The following MCF2L2 variants were observed in gnomAD, a reference collection of about 807,000 sequenced individuals.
MCF2L2 encodes probable guanine nucleotide exchange factor MCF2L2.
In MCF2L2, 102 loss-of-function variants were observed where a neutral mutation model predicts 150.2. The ratio of observed to expected loss-of-function variants is 0.68; its 90% CI spans 0.58 to 0.80. The LOEUF (loss-of-function observed/expected upper bound fraction) is 0.80. Ranked by LOEUF, MCF2L2 falls within the 30% of genes least tolerant of loss-of-function variation. The pLI is 0.00. For synonymous variants in MCF2L2, 465 were observed against 491.3 expected, an observed-to-expected ratio of 0.95 and a Z score of 0.71; for missense variants, 1,256 against 1,372.8, an observed-to-expected ratio of 0.91 and a Z score of 1.34.
rs749204169 is a variant in MCF2L2, at chr3:183,179,724, G to C, written c.3106-32C>G. The C allele has an allele frequency of 4.4e-6, 7 of 1,579,152 alleles. No individual in the cohort carries two copies. Among genetic ancestry groups the C allele is most frequent in the Non-Finnish European group, 6.1e-6 (7 of 1,149,192 alleles). On this transcript the variant is annotated intron_variant, in intron 28 of 29. Coordinates refer to ENST00000328913, the MANE Select transcript of MCF2L2 (RefSeq NM_015078.4). This position sits in a 1 kb window ranked among gnomAD's most constrained non-coding sequence, Gnocchi z 4.2. ...GGGAGGGGACGGGTGCACCCTCAGA[G>C]TTATTGCTGGAGGCTGTGGCCAGAC... is the stretch of plus-strand genomic sequence containing the variant.
intron 1 of MCF2L2, among the ~76,000 whole-genome samples, chr3:183,400,702 A>C (rs1714706815): frequency 6.6e-6 from 1 of 152,152 alleles, no homozygotes; most frequent in Admixed American, 6.5e-5. Flanking sequence ...TAGAAACAAA[A>C]GGAAAACTGG....
At chr3:183,228,837 T>C (rs1294728322) in intron 17 of MCF2L2, among the ~76,000 whole-genome samples, 4 of 152,184 alleles carry the variant, frequency 2.6e-5, no homozygotes, top group Non-Finnish European at 5.9e-5. Context: ...ACTAATATCA[T>C]TGACAGCTTA....
At position 183,331,877 on chromosome 3, in the gene MCF2L2, A is replaced by G. The variant is rs541799164; in HGVS notation, c.486+6923T>C. On this transcript the variant is annotated intron_variant, in intron 5 of 29. Coordinates refer to ENST00000328913, the MANE Select transcript of MCF2L2 (RefSeq NM_015078.4). ...GTTTCAAACAAAACAAAACAAAAAC[A>G]AACAAAAACCATTTACTACATGAAA... Among the ~76,000 whole-genome samples, 3 of 152,208 alleles carry G rather than the reference A, an allele frequency of 2.0e-5. No homozygotes were observed. In the South Asian group the frequency reaches 6.2e-4, roughly 32 times the overall value.
chr3:183,237,973 A>C (rs1384538644), intron 15 of MCF2L2, among the ~76,000 whole-genome samples: 1 of 134,640 alleles, frequency 7.4e-6, no homozygotes, highest in African/African-American at 2.9e-5. Context: ...GTAGTCATTC[A>C]GGAGCAGGTT....
chr3:183,300,742 C>T (rs952882328), intron 10 of MCF2L2, among the ~76,000 whole-genome samples: 2 of 151,982 alleles, frequency 1.3e-5, no homozygotes, highest in Non-Finnish European at 1.5e-5. Flanking sequence ...CTAGGCTGGG[C>T]GTGGTGGCTC....
chr3:183,215,823 G>A (rs1213367625), intron 22 of MCF2L2, 146 bp downstream of exon 22: 2 of 903,570 alleles, frequency 2.2e-6, no homozygotes, highest in Non-Finnish European at 1.6e-6. Context: ...TGTAGTGCGG[G>A]TTTACTGAGC....
intron 3 of MCF2L2, among the ~76,000 whole-genome samples, chr3:183,354,495 ACTTAT>A (rs1711645419): frequency 1.7e-5 from 1 of 58,348 alleles, no homozygotes; most frequent in African/African-American, 6.3e-5. Context: ...ACCCCACCCC[ACTTAT>A]CTTAACCCCC....
At position 183,276,958 on chromosome 3, in the gene MCF2L2, C is replaced by A; in HGVS notation, c.1777-1G>T. On this transcript the variant is annotated splice_acceptor_variant, in intron 14 of 29. Coordinates refer to ENST00000328913, the MANE Select transcript of MCF2L2 (RefSeq NM_015078.4). LOFTEE classifies it high-confidence loss of function. Reference sequence around the variant, plus strand: ...GATGGCTTTCAAAGATTTCTTCACTCTGAAGTGAAAGAAATTTTGGTAAGA... The same window carrying A: ...GATGGCTTTCAAAGATTTCTTCACTATGAAGTGAAAGAAATTTTGGTAAGA... The A allele has an allele frequency of 1.3e-6, 2 of 1,595,726 alleles. No homozygotes were observed. The highest frequency in any genetic ancestry group is 1.7e-6 in the Non-Finnish European group (2 of 1,168,040).
chr3:183,238,792 T>G (rs938817982), intron 15 of MCF2L2, among the ~76,000 whole-genome samples: 2 of 150,308 alleles, frequency 1.3e-5, no homozygotes, highest in African/African-American at 4.9e-5. Flanking sequence ...GGTCAGGAGA[T>G]GTAGACCATC....
At chr3:183,243,564 C>T (rs1724124563) in intron 15 of MCF2L2, among the ~76,000 whole-genome samples, 1 of 152,262 alleles carries the variant, frequency 6.6e-6, no homozygotes, top group Non-Finnish European at 1.5e-5. Flanking sequence ...AGTTAGAATC[C>T]CTAAGTTCAT....
intron 3 of MCF2L2, among the ~76,000 whole-genome samples, chr3:183,348,127 A>G (rs1200804229): frequency 1.3e-5 from 2 of 152,212 alleles, no homozygotes; most frequent in Non-Finnish European, 2.9e-5. Flanking sequence ...CACTGTTTAC[A>G]ATAGTAAAGA....
At chr3:183,193,412 G>A (rs928983224) in intron 26 of MCF2L2, among the ~76,000 whole-genome samples, 11 of 149,316 alleles carry the variant, frequency 7.4e-5, no homozygotes, top group South Asian at 2.1e-4. Flanking sequence ...GTGCAGTGGC[G>A]CAATCTTGGC....
At chr3:183,366,579 A>G (rs116101208) in intron 3 of MCF2L2, among the ~76,000 whole-genome samples, 6,100 of 152,242 alleles carry the variant, frequency 0.04, 343 homozygotes, top group African/African-American at 0.12. Flanking sequence ...CAGCGGGGCA[A>G]AGGCTGCAGT....
At chr3:183,341,469 C>T (rs986202887) in intron 4 of MCF2L2, 71 bp downstream of exon 4, 2 of 1,263,560 alleles carry the variant, frequency 1.6e-6, no homozygotes, top group African/African-American at 3.0e-5. Flanking sequence ...TTCCCCAGGA[C>T]TTTGATATGA....
chr3:183,335,842 C>G (rs577773308), intron 5 of MCF2L2, among the ~76,000 whole-genome samples: 2 of 152,284 alleles, frequency 1.3e-5, no homozygotes, highest in Non-Finnish European at 2.9e-5. Flanking sequence ...GCCTGGGTGA[C>G]AGAGAGAGAC....
chr3:183,238,577 G>A (rs1035706557), intron 15 of MCF2L2, among the ~76,000 whole-genome samples: 2 of 151,574 alleles, frequency 1.3e-5, no homozygotes, highest in Non-Finnish European at 2.9e-5. Context: ...ACAGGCGTGA[G>A]CCACCTCGCC....
chr3:183,322,296 C>T (rs566575875), intron 6 of MCF2L2, among the ~76,000 whole-genome samples: 3 of 152,212 alleles, frequency 2.0e-5, no homozygotes, highest in African/African-American at 7.2e-5. Flanking sequence ...TTATTCCCCA[C>T]ATCAAACTTT....
In MCF2L2 at chr3:183,227,874, G is replaced by A. The variant is rs1032290190; in HGVS notation, c.2115+423C>T. ...AGTATTATTCCATGATAGTCGCCAT[G>A]CTGTGCGTTACATCTCCAGGACTTA... is the stretch of plus-strand genomic sequence containing the variant. On this transcript the variant is annotated intron_variant, in intron 18 of 29. Transcript: ENST00000328913. This position sits in a 1 kb window ranked among gnomAD's most constrained non-coding sequence, Gnocchi z 4.0. 8 of 162,292 alleles carry A rather than the reference G, an allele frequency of 4.9e-5. No homozygotes were observed. Among genetic ancestry groups the A allele is most frequent in the South Asian group, 1.7e-4 (1 of 5,732 alleles). 10.1% of individuals were successfully genotyped at this position (162,292 alleles called of 1,614,324 possible). A position where few individuals can be genotyped will look rare whatever the true frequency, so the allele number is the denominator to read the frequency against.
At chr3:183,183,814 C>T (rs1721606614) in intron 27 of MCF2L2, among the ~76,000 whole-genome samples, 1 of 152,052 alleles carries the variant, frequency 6.6e-6, no homozygotes, top group African/African-American at 2.4e-5. Flanking sequence ...GCTATTATTA[C>T]TTACATTTCA....
Sources: allele counts gnomAD v4.1 joint callset (sites outside exome capture counted in the v4.1 genomes callset), GRCh38; gene constraint gnomAD v4.1.1; non-coding constraint Gnocchi (gnomAD v3.1); transcripts MANE v1.5; gene names NCBI Gene and HGNC (gene_info 2026-07-23, HGNC 2026-07-21).